The following DLC1 variants were observed in gnomAD, a reference collection of about 807,000 sequenced individuals.
DLC1 encodes the protein DLC1 Rho GTPase activating protein.
Under a neutral mutation model 140.3 loss-of-function variants are expected in DLC1, and 54 were observed. The ratio of observed to expected loss-of-function variants is 0.38; its 90% CI spans 0.31 to 0.48. The LOEUF (loss-of-function observed/expected upper bound fraction) is 0.48, where lower values mean the gene tolerates loss of function less well. Ranked by LOEUF, DLC1 falls within the 20% of genes least tolerant of loss-of-function variation. DLC1 has a pLI of 0.96. For missense variants in DLC1, 2,536 were observed against 1,907.0 expected, an observed-to-expected ratio of 1.33 and a Z score of -6.14; for synonymous variants, 986 against 728.1, an observed-to-expected ratio of 1.35 and a Z score of -5.70.
chr8:13,235,521 A>T (rs1447590887), intron 5 of DLC1, among the ~76,000 whole-genome samples: 3 of 152,098 alleles, frequency 2.0e-5, no homozygotes, highest in Non-Finnish European at 4.4e-5. Flanking sequence ...TTCTAAAAGT[A>T]GCTATTCTAG....
At chr8:13,405,556 C>G (rs1374768122) in intron 2 of DLC1, among the ~76,000 whole-genome samples, 1 of 152,172 alleles carries the variant, frequency 6.6e-6, no homozygotes, top group African/African-American at 2.4e-5. Flanking sequence ...AAAGTCGAGA[C>G]TAGAGCCTGG....
Position 13,085,147 on chromosome 8 carries a change from A to C in DLC1, c.*664T>G, listed in dbSNP as rs1817450949. 6.6e-6 allele frequency: 1 copy of C among 152,258 alleles called. No individual in the cohort carries two copies. Among genetic ancestry groups the C allele is most frequent in the Admixed American group, 6.5e-5 (1 of 15,284 alleles). The allele number at this position is 152,258 out of a possible 1,614,324, so 9.4% of individuals were successfully genotyped here. ...GTACAGAAGAGGTTCGTGGAAAAGG[A>C]ATATGCTTAATAACTTCGAAAAAAA... On this transcript the variant is annotated 3_prime_UTR_variant, in exon 18 of 18. Coordinates refer to ENST00000276297, the MANE Select transcript of DLC1 (RefSeq NM_182643.3).
chr8:13,299,921 C>T (rs770362379), intron 5 of DLC1, among the ~76,000 whole-genome samples: 16 of 152,064 alleles, frequency 1.1e-4, no homozygotes, highest in Non-Finnish European at 1.9e-4. Context: ...AGTCAGCAAT[C>T]GCATTACTGG....
intron 5 of DLC1, among the ~76,000 whole-genome samples, chr8:13,187,048 G>C (rs946661692): frequency 2.0e-5 from 3 of 152,118 alleles, no homozygotes; most frequent in Admixed American, 6.5e-5. Flanking sequence ...TGGAAGCTTC[G>C]TGCCAGAGGG....
intron 5 of DLC1, among the ~76,000 whole-genome samples, chr8:13,137,298 G>C (rs1293263733): frequency 6.6e-6 from 1 of 152,172 alleles, no homozygotes; most frequent in Non-Finnish European, 1.5e-5. Flanking sequence ...GATAACGTTA[G>C]ATAATGTTAG....
intron 5 of DLC1, among the ~76,000 whole-genome samples, chr8:13,296,034 C>G (rs531601945): frequency 3.5e-5 from 5 of 143,920 alleles, no homozygotes; most frequent in East Asian, 2.1e-4. Flanking sequence ...CTCACTGCAC[C>G]CTCCATCACC....
In DLC1 at chr8:13,113,786, A is replaced by G. The variant is rs138700332; in HGVS notation, c.1420+1800T>C. Among the ~76,000 whole-genome samples the G allele has an allele frequency of 4.3e-4, 66 of 152,344 alleles. 3 individuals carry two copies. In the East Asian group the frequency reaches 0.012, roughly 29 times the overall value. ...GACAAGTAACTCCACCAAAATAAGC[A>G]TGCAAGTTAATCAAAAGAAATTGGA... On this transcript the variant is annotated intron_variant, in intron 6 of 17. Coordinates refer to ENST00000276297, the MANE Select transcript of DLC1 (RefSeq NM_182643.3).
chr8:13,432,131 C>T (rs1838909028), intron 2 of DLC1, among the ~76,000 whole-genome samples: 1 of 152,174 alleles, frequency 6.6e-6, no homozygotes, highest in South Asian at 2.1e-4. Context: ...TCTAAAATCA[C>T]ACAATTTCAA....
intron 2 of DLC1, among the ~76,000 whole-genome samples, chr8:13,495,654 C>G (rs989289145): frequency 6.6e-6 from 1 of 152,064 alleles, no homozygotes; most frequent in Non-Finnish European, 1.5e-5. Flanking sequence ...CAAATGTAAT[C>G]CCCTCCAATT....
intron 5 of DLC1, among the ~76,000 whole-genome samples, chr8:13,303,808 A>T (rs1832308264): frequency 6.6e-6 from 1 of 152,208 alleles, no homozygotes. Flanking sequence ...TCTCAAAAAA[A>T]AATATTAAAA....
Position 13,115,571 on chromosome 8 carries a change from G to A in DLC1, c.1420+15C>T. ...TGATTATGCCAACTTTTAAAAAGTGGCATTCCCAGCTTACCTTCATAAAGC... is the reference window on the plus strand; with the variant it reads ...TGATTATGCCAACTTTTAAAAAGTGACATTCCCAGCTTACCTTCATAAAGC... On this transcript the variant is annotated intron_variant, in intron 6 of 17. Transcript: ENST00000276297. The A allele has an allele frequency of 6.2e-7, 1 of 1,609,438 alleles. No homozygotes were observed. The highest frequency in any genetic ancestry group is 8.5e-7 in the Non-Finnish European group (1 of 1,177,804).
At chr8:13,255,190 C>T (rs1245860299) in intron 5 of DLC1, among the ~76,000 whole-genome samples, 5 of 152,008 alleles carry the variant, frequency 3.3e-5, no homozygotes, top group South Asian at 2.1e-4. Context: ...AGGCTGGTCT[C>T]GAACTCCTGA....
intron 1 of DLC1, among the ~76,000 whole-genome samples, chr8:13,582,470 C>A (rs931890378): frequency 2.6e-5 from 4 of 152,008 alleles, no homozygotes; most frequent in Admixed American, 6.5e-5. Flanking sequence ...AATCAGCTGC[C>A]AGCAAATATA....
intron 2 of DLC1, among the ~76,000 whole-genome samples, chr8:13,417,848 T>A (rs1412347021): frequency 6.6e-6 from 1 of 152,100 alleles, no homozygotes; most frequent in Non-Finnish European, 1.5e-5. Context: ...GTGTTCCTAT[T>A]TCTCCACATC....
intron 4 of DLC1, among the ~76,000 whole-genome samples, chr8:13,359,501 T>C (rs943101142): frequency 2.0e-5 from 3 of 152,112 alleles, no homozygotes; most frequent in Non-Finnish European, 4.4e-5. Flanking sequence ...ATCTTGACTA[T>C]TGGAAGAGGT....
chr8:13,525,386 G>T (rs1425962316), intron 1 of DLC1, among the ~76,000 whole-genome samples: 1 of 152,130 alleles, frequency 6.6e-6, no homozygotes, highest in East Asian at 1.9e-4. Flanking sequence ...CCATTTGGTA[G>T]CCATATTTTT....
At chr8:13,525,052 A>G (rs973488468) in intron 1 of DLC1, among the ~76,000 whole-genome samples, 2 of 151,974 alleles carry the variant, frequency 1.3e-5, no homozygotes, top group Non-Finnish European at 2.9e-5. Context: ...GTCACTGCAG[A>G]TTGGTTTAAA....
chr8:13,360,056 A>G (rs1835152388), intron 4 of DLC1, among the ~76,000 whole-genome samples: 1 of 152,210 alleles, frequency 6.6e-6, no homozygotes, highest in Non-Finnish European at 1.5e-5. Flanking sequence ...ACAACTGGGT[A>G]GAATTCTTTC....
intron 4 of DLC1, among the ~76,000 whole-genome samples, chr8:13,320,511 C>G (rs1184074579): frequency 5.3e-5 from 8 of 152,084 alleles, no homozygotes. Flanking sequence ...AGAGCAGGGT[C>G]TCAAAGCCAC....
Sources: allele counts gnomAD v4.1 joint callset (sites outside exome capture counted in the v4.1 genomes callset), GRCh38; gene constraint gnomAD v4.1.1; transcripts MANE v1.5; gene names NCBI Gene and HGNC (gene_info 2026-07-23, HGNC 2026-07-21).